SLC25A28: variants seen among roughly 807,000 people sequenced by gnomAD.
The protein encoded by SLC25A28 is mitoferrin-2.
A neutral mutation model predicts 31.9 loss-of-function variants in SLC25A28; 10 were observed. The observed-to-expected ratio is 0.31, with a 90% CI of 0.19 to 0.53. SLC25A28 has a LOEUF of 0.53. Ranked by LOEUF, SLC25A28 falls within the 20% of genes least tolerant of loss-of-function variation. SLC25A28 has a pLI of 0.95. For missense variants in SLC25A28, 256 were observed against 490.3 expected (o/e 0.52, Z 4.51); for synonymous variants, 208 against 203.6 (o/e 1.02, Z -0.19).
intron 1 of SLC25A28, chr10:99,618,392 C>T: frequency 3.0e-6 from 3 of 985,378 alleles, no homozygotes; most frequent in South Asian, 4.7e-5. Flanking sequence ...CCATTCAATA[C>T]TCATCCAGAA....
the SLC25A28 span, among the ~76,000 whole-genome samples, chr10:99,628,369 A>G: frequency 2.3e-4 from 35 of 152,370 alleles, no homozygotes; most frequent in Admixed American, 6.5e-4. Context: ...TCACAGATCA[A>G]CATTATGCCA....
the SLC25A28 span, among the ~76,000 whole-genome samples, chr10:99,655,282 T>C: frequency 6.6e-6 from 1 of 152,104 alleles, no homozygotes; most frequent in Non-Finnish European, 1.5e-5. Context: ...CACCACTGCA[T>C]TCCAGCCTGG....
upstream of SLC25A28, among the ~76,000 whole-genome samples, chr10:99,623,498 A>G (rs536386635): frequency 1.3e-3 from 204 of 152,288 alleles, no homozygotes; most frequent in African/African-American, 4.7e-3. Flanking sequence ...TCTTCTGTTT[A>G]TGCTCTCCTT....
At chr10:99,643,187 G>A in the SLC25A28 span, among the ~76,000 whole-genome samples, 5 of 152,172 alleles carry the variant, frequency 3.3e-5, no homozygotes, top group African/African-American at 4.8e-5. Context: ...CTGTGAATCC[G>A]TCTGGTCCTG....
upstream of SLC25A28, chr10:99,621,318 C>A (rs1311119950): frequency 1.3e-5 from 2 of 152,530 alleles, no homozygotes; most frequent in African/African-American, 4.8e-5. Context: ...CCGGCTGTCA[C>A]TGGGCTCTGC....
intron 1 of SLC25A28, chr10:99,619,075 A>G (rs1224595495): frequency 1.0e-6 from 1 of 985,318 alleles, no homozygotes; most frequent in African/African-American, 1.7e-5. Flanking sequence ...GTACAAGAAT[A>G]AGAACTGTAA....
chr10:99,644,281 TA>T, the SLC25A28 span, among the ~76,000 whole-genome samples: 1 of 152,346 alleles, frequency 6.6e-6, no homozygotes, highest in East Asian at 1.9e-4. Context: ...TTAGGATAGT[TA>T]GCTCTTCTTG....
rs2034579486 is a variant in SLC25A28, at chr10:99,613,569, C to A, written c.520+127G>T. 2.0e-6 allele frequency: 3 copies of A among 1,524,200 alleles called. No homozygotes were observed. Among genetic ancestry groups the A allele is most frequent in the Admixed American group, 2.1e-5 (1 of 47,852 alleles). 94.4% of individuals were successfully genotyped at this position (1,524,200 alleles called of 1,614,324 possible). A position where few individuals can be genotyped will look rare whatever the true frequency, so the allele number is the denominator to read the frequency against. On this transcript the variant is annotated intron_variant, in intron 2 of 3. Transcript: ENST00000370495. The surrounding 1 kb of genome is among the most constrained non-coding windows in gnomAD (Gnocchi z 4.9). ...AGAACATCAGGTTTGGAAGTCCCTCCCTTATAATCTGGCCTATCCCAGCCC... is the reference window on the plus strand; with the variant it reads ...AGAACATCAGGTTTGGAAGTCCCTCACTTATAATCTGGCCTATCCCAGCCC...
the SLC25A28 span, among the ~76,000 whole-genome samples, chr10:99,635,522 A>T: frequency 6.8e-6 from 1 of 147,280 alleles, no homozygotes; most frequent in African/African-American, 2.5e-5. Context: ...TCTACTAAAT[A>T]CAAAAATTAG....
chr10:99,613,484 T>C lies in SLC25A28; in HGVS notation c.520+212A>G. ...CAAGCTGGTAGGTAAGGGAGGATAC[T>C]GTAACCCTTTGTTGAGGTGCCCCAA... On this transcript the variant is annotated intron_variant, in intron 2 of 3. Transcript: ENST00000370495. The surrounding 1 kb of genome is among the most constrained non-coding windows in gnomAD (Gnocchi z 4.9). 1 of 1,429,690 alleles carries C rather than the reference T, an allele frequency of 7.0e-7. No individual in the cohort carries two copies. Among genetic ancestry groups the C allele is most frequent in the Non-Finnish European group, 9.1e-7 (1 of 1,096,512 alleles). 88.6% of individuals were successfully genotyped at this position (1,429,690 alleles called of 1,614,324 possible).
chr10:99,650,553 C>T, the SLC25A28 span, among the ~76,000 whole-genome samples: 6 of 152,012 alleles, frequency 3.9e-5, no homozygotes, highest in Admixed American at 1.3e-4. Flanking sequence ...AAAATGGTGC[C>T]TTGGGCCTGG....
chr10:99,611,439 G>A lies in SLC25A28; in HGVS notation c.578-73C>T, dbSNP rs2034522254. 6.4e-7 allele frequency: 1 copy of A among 1,556,062 alleles called. No individual in the cohort carries two copies. The highest frequency in any genetic ancestry group is 8.7e-7 in the Non-Finnish European group (1 of 1,145,722). On this transcript the variant is annotated intron_variant, in intron 3 of 3. Coordinates refer to ENST00000370495, the MANE Select transcript of SLC25A28 (RefSeq NM_031212.4). This position sits in a 1 kb window ranked among gnomAD's most constrained non-coding sequence, Gnocchi z 5.5. ...GTGATGGAGAGTATCCAGATTCAGA[G>A]CCCCAAGTCAGCAGATCAGCCAATG...
intron 1 of SLC25A28, among the ~76,000 whole-genome samples, chr10:99,619,653 T>C (rs952785009): frequency 1.3e-5 from 2 of 152,196 alleles, no homozygotes; most frequent in African/African-American, 4.8e-5. Context: ...AGAAAACATC[T>C]CAAGCCGTTA....
Position 99,612,784 on chromosome 10 carries a change from C to G in SLC25A28, c.521-185G>C, listed in dbSNP as rs2133338204. On this transcript the variant is annotated intron_variant, in intron 2 of 3. Coordinates refer to ENST00000370495, the MANE Select transcript of SLC25A28 (RefSeq NM_031212.4). ...TTTAAGAAGGTAAAGTATCTGTTCC[C>G]ACCAACTTTGTAAGGTCACTAATGT... 6.1e-6 allele frequency: 4 copies of G among 652,000 alleles called. No individual in the cohort carries two copies. The South Asian group carries it at 7.1e-5, about 12-fold the overall frequency. The allele number at this position is 652,000 out of a possible 1,614,324, so 40.4% of individuals were successfully genotyped here. A position where few individuals can be genotyped will look rare whatever the true frequency, so the allele number is the denominator to read the frequency against.
the SLC25A28 span, among the ~76,000 whole-genome samples, chr10:99,629,896 C>A: frequency 0.86 from 130,572 of 152,192 alleles, 56,095 homozygotes; most frequent in Middle Eastern, 0.92. Context: ...TAATTTGGCC[C>A]GGCACAGTGG....
the SLC25A28 span, among the ~76,000 whole-genome samples, chr10:99,630,722 C>T: frequency 6.6e-6 from 1 of 152,118 alleles, no homozygotes; most frequent in Non-Finnish European, 1.5e-5. Context: ...ATAAAAGATG[C>T]ATAAATCCAC....
the SLC25A28 span, among the ~76,000 whole-genome samples, chr10:99,658,633 G>A: frequency 6.6e-6 from 1 of 152,162 alleles, no homozygotes; most frequent in East Asian, 1.9e-4. Flanking sequence ...CAAGGCAGGT[G>A]GAGGGGCAGA....
At position 99,620,290 on chromosome 10, in the gene SLC25A28, C is replaced by G; in HGVS notation, c.46G>C (p.Ala16Pro). Residue 16 changes from alanine to proline, a missense_variant, in exon 1 of 4, where the codon GCG (alanine) becomes CCG (proline). Ala to Pro is a conservative substitution (Grantham distance 27). Transcript: ENST00000370495. ...CCGGGGCTCCGCCCGGGCCCTGCCG[C>G]CGGCCCCCCCGCCACACCGCCAGCA... ...RGAGGVAGGP[A>P]AGPGRSPGES... 2.5e-6 allele frequency: 3 copies of G among 1,182,060 alleles called. No individual in the cohort carries two copies. Among genetic ancestry groups the G allele is most frequent in the Non-Finnish European group, 3.1e-6 (3 of 956,480 alleles). 73.2% of individuals were successfully genotyped at this position (1,182,060 alleles called of 1,614,324 possible). A position where few individuals can be genotyped will look rare whatever the true frequency, so the allele number is the denominator to read the frequency against.
upstream of SLC25A28, among the ~76,000 whole-genome samples, chr10:99,623,820 C>T (rs1287181684): frequency 6.6e-6 from 1 of 152,194 alleles, no homozygotes; most frequent in Non-Finnish European, 1.5e-5. Flanking sequence ...AAGCAGAGTT[C>T]CCTACTTGTT....
Sources: gnomAD v4.1 joint callset for allele counts (sites outside exome capture counted in the v4.1 genomes callset) on GRCh38, gnomAD v4.1.1 for gene constraint, Gnocchi (gnomAD v3.1) non-coding constraint, MANE v1.5 for transcripts, NCBI Gene and HGNC (gene_info 2026-07-23, HGNC 2026-07-21) for gene names.